Variants in PUF60 observed in about 807,000 individuals in gnomAD.
PUF60 encodes the protein poly(U)-binding-splicing factor PUF60.
PUF60 carries 10 observed loss-of-function variants against 61.8 expected under a neutral mutation model. The observed-to-expected ratio is 0.16, with a 90% CI of 0.10 to 0.27. The LOEUF is 0.27. Ranked by LOEUF, PUF60 falls within the 10% of genes least tolerant of loss-of-function variation. The pLI is 1.00. For missense variants in PUF60, 371 were observed against 754.0 expected (o/e 0.49, Z 5.95); for synonymous variants, 353 against 300.9 (o/e 1.17, Z -1.79).
At position 143,816,420 on chromosome 8, in the gene PUF60, G is replaced by A; in HGVS notation, c.*100C>T. The A allele has an allele frequency of 1.5e-6, 2 of 1,342,638 alleles. No individual in the cohort carries two copies. The highest frequency in any genetic ancestry group is 2.0e-6 in the Non-Finnish European group (2 of 993,862). The allele number at this position is 1,342,638 out of a possible 1,614,324, so 83.2% of individuals were successfully genotyped here. On this transcript the variant is annotated 3_prime_UTR_variant, in exon 12 of 12. Transcript: ENST00000526683. The stretch of plus-strand genomic sequence containing the variant: ...CGCACCTTTATCCGCACTGTAGGCT[G>A]GGCTGGGCAGAGCGCGCCTGGCCCC...
Position 143,817,968 on chromosome 8 carries a change from G to A in PUF60, c.711C>T (p.Leu237=), listed in dbSNP as rs756371392. 5.0e-6 allele frequency: 8 copies of A among 1,612,850 alleles called. No homozygotes were observed. The highest frequency in any genetic ancestry group is 1.1e-5 in the South Asian group (1 of 91,084). ...RIYVASVHQD[L]SDDDIKSVFE... is the part of the protein sequence containing the mutation. ...ACACGCTCTTGATGTCATCGTCTGA[G>A]AGGTCCTGGTGCACAGAGGCCACGT... The change falls in exon 8 of 12, where the codon CTC becomes CTT. Residue 237 remains leucine, a synonymous_variant. Coordinates refer to ENST00000526683, the MANE Select transcript of PUF60 (RefSeq NM_078480.3). This position sits in a 1 kb window ranked among gnomAD's most constrained non-coding sequence, Gnocchi z 7.4.
chr8:143,824,588 G>T (rs984935124), intron 1 of PUF60, 189 bp from the exon 2 acceptor site: 5 of 607,486 alleles, frequency 8.2e-6, no homozygotes, highest in Non-Finnish European at 8.8e-6. Context: ...CAGGGACCCA[G>T]TCAGAAGCAG....
chr8:143,824,361 C>A lies in PUF60; in HGVS notation c.63G>T (p.Ala21=), dbSNP rs751453680. The part of the protein sequence containing the change: ...NGQQGGGSEP[A]AAAAVVAAGD... The stretch of plus-strand genomic sequence containing the variant: ...CCGCTGCCACCACTGCCGCCGCCGC[C>A]GCCGGCTCGGACCCCCCTCCTTGCT... The change falls in exon 2 of 12, where the codon GCG becomes GCT. Residue 21 remains alanine, a synonymous_variant. Transcript: ENST00000526683. 3.2e-5 allele frequency: 51 copies of A among 1,612,534 alleles called. No individual in the cohort carries two copies. The highest frequency in any genetic ancestry group is 4.2e-5 in the Non-Finnish European group (50 of 1,179,770).
chr8:143,820,926 G>A (rs1197849374), intron 4 of PUF60, among the ~76,000 whole-genome samples: 1 of 152,192 alleles, frequency 6.6e-6, no homozygotes, highest in Non-Finnish European at 1.5e-5. Flanking sequence ...TGGGCCGGCT[G>A]GGGCAGAAAG....
In PUF60 at chr8:143,816,609, C is replaced by G. The variant is rs1178790203; in HGVS notation, c.1591G>C (p.Ala531Pro). The G allele has an allele frequency of 6.2e-7, 1 of 1,613,668 alleles. No homozygotes were observed. The highest frequency in any genetic ancestry group is 1.3e-5 in the African/African-American group (1 of 74,924). ...IASETHKAIQ[A>P]LNGRWFAGRK... Reference sequence around the variant, plus strand: ...CCAGCAAACCAGCGGCCATTGAGGGCCTGGATGGCCTTATGAGTCTCAGAG... The same window carrying G: ...CCAGCAAACCAGCGGCCATTGAGGGGCTGGATGGCCTTATGAGTCTCAGAG... The change falls in exon 12 of 12, where the codon GCC becomes CCC. Residue 531 changes from alanine to proline, a missense_variant. Around this residue, in one of 13 missense-constraint regions of PUF60, gnomAD observed 19 missense variants for 16.9 expected, o/e 1.12. Transcript: ENST00000526683.
Position 143,818,892 on chromosome 8 carries a change from C to A in PUF60, c.349-358G>T, listed in dbSNP as rs920643667. On this transcript the variant is annotated intron_variant, in intron 5 of 11. Coordinates refer to ENST00000526683, the MANE Select transcript of PUF60 (RefSeq NM_078480.3). The surrounding 1 kb of genome is among the most constrained non-coding windows in gnomAD (Gnocchi z 7.9). ...TCCCAGGCTGGGCTGGGAGATCCTCCCACTGTCCCAGCCAAGGACCACGAC... is the reference window on the plus strand; with the variant it reads ...TCCCAGGCTGGGCTGGGAGATCCTCACACTGTCCCAGCCAAGGACCACGAC... 6 of 314,936 alleles carry A rather than the reference C, an allele frequency of 1.9e-5. No homozygotes were observed. Among genetic ancestry groups the A allele is most frequent in the Middle Eastern group, 8.6e-4 (1 of 1,166 alleles). The allele number at this position is 314,936 out of a possible 1,614,324, so 19.5% of individuals were successfully genotyped here. A position where few individuals can be genotyped will look rare whatever the true frequency, so the allele number is the denominator to read the frequency against.
At position 143,816,480 on chromosome 8, in the gene PUF60, A is replaced by G; in HGVS notation, c.*40T>C. 6.4e-7 allele frequency: 1 copy of G among 1,572,530 alleles called. No individual in the cohort carries two copies. The highest frequency in any genetic ancestry group is 8.6e-7 in the Non-Finnish European group (1 of 1,160,392). ...ACTGTATCACTATAAAACCCAGAGG[A>G]AACAAGGAACAAGTGCAAGTCCGGG... On this transcript the variant is annotated 3_prime_UTR_variant, in exon 12 of 12. Coordinates refer to ENST00000526683, the MANE Select transcript of PUF60 (RefSeq NM_078480.3).
intron 1 of PUF60, among the ~76,000 whole-genome samples, chr8:143,827,762 G>A (rs1256393236): frequency 6.6e-6 from 1 of 152,182 alleles, no homozygotes; most frequent in Non-Finnish European, 1.5e-5. Flanking sequence ...CACCCCAACA[G>A]ACAACCCGTT....
At chr8:143,823,268 C>T (rs374158278) in intron 2 of PUF60, 1 of 152,166 alleles carries the variant, frequency 6.6e-6, no homozygotes, top group African/African-American at 2.5e-5. Flanking sequence ...TAGGCCTGTC[C>T]TCACCACCCT....
intron 2 of PUF60, chr8:143,822,613 C>A (rs1207795146): frequency 4.4e-6 from 2 of 456,144 alleles, no homozygotes; most frequent in Admixed American, 4.7e-5. Context: ...CCCACTGGCA[C>A]CCTAGCCAGG....
Position 143,821,859 on chromosome 8 carries a change from G to A in PUF60, c.166C>T (p.Leu56=). 6.2e-7 allele frequency: 1 copy of A among 1,610,714 alleles called. No homozygotes were observed. The highest frequency in any genetic ancestry group is 2.2e-5 in the East Asian group (1 of 44,832). Residue 56 remains leucine, a synonymous_variant, in exon 3 of 12, where the codon CTG becomes TTG. Coordinates refer to ENST00000526683, the MANE Select transcript of PUF60 (RefSeq NM_078480.3). ...NGQSTAAKLG[L]PPLTPEQQEA... ...TGCTGCTCGGGCGTCAGGGGAGGCA[G>A]CCCCAGCTTGGCGGCTGTGCTCTGC...
At chr8:143,824,534 C>T in intron 1 of PUF60, 135 bp from the exon 2 acceptor site, 3 of 837,866 alleles carry the variant, frequency 3.6e-6, no homozygotes, top group Admixed American at 4.7e-5. Flanking sequence ...CCCGACATGA[C>T]CCCCCAGCCC....
rs770569156 is a variant in PUF60, at chr8:143,818,849, C to T, written c.349-315G>A. ...CGCCCTCCCACCCAGACCACCCCTC[C>T]AGTCTGGGGGCTGGGTATCCCAGGC... On this transcript the variant is annotated intron_variant, in intron 5 of 11. Transcript: ENST00000526683. The surrounding 1 kb of genome is among the most constrained non-coding windows in gnomAD (Gnocchi z 7.9). 107 of 384,774 alleles carry T rather than the reference C, an allele frequency of 2.8e-4. No individual in the cohort carries two copies. Among genetic ancestry groups the T allele is most frequent in the Non-Finnish European group, 4.4e-4 (93 of 213,604 alleles). 23.8% of individuals were successfully genotyped at this position (384,774 alleles called of 1,614,324 possible). A position where few individuals can be genotyped will look rare whatever the true frequency, so the allele number is the denominator to read the frequency against.
intron 1 of PUF60, 137 bp downstream of exon 1, chr8:143,829,143 A>T: frequency 8.3e-7 from 1 of 1,201,888 alleles, no homozygotes; most frequent in Non-Finnish European, 1.0e-6. Context: ...GCCTCACGCG[A>T]CCCGGGGACA....
At chr8:143,816,863 C>T (rs1167493003) in intron 11 of PUF60, 44 bp from the exon 12 acceptor site, 1 of 1,593,820 alleles carries the variant, frequency 6.3e-7, no homozygotes, top group African/African-American at 1.3e-5. Flanking sequence ...CACTGCGGCC[C>T]CGCCCCCCTA....
chr8:143,822,189 C>T (rs1394270320), intron 2 of PUF60, among the ~76,000 whole-genome samples: 1 of 152,166 alleles, frequency 6.6e-6, no homozygotes, highest in Non-Finnish European at 1.5e-5. Flanking sequence ...CCAAGATAAA[C>T]AGCTGGAGGC....
At chr8:143,820,609 C>T in intron 5 of PUF60, 57 bp downstream of exon 5, 3 of 1,551,852 alleles carry the variant, frequency 1.9e-6, no homozygotes, top group South Asian at 1.1e-5. Flanking sequence ...CTGCACTGCC[C>T]CCCTCTAGCC....
intron 1 of PUF60, among the ~76,000 whole-genome samples, chr8:143,828,319 T>C (rs1346406685): frequency 6.6e-6 from 1 of 152,170 alleles, no homozygotes; most frequent in African/African-American, 2.4e-5. Flanking sequence ...ACAGACCTTA[T>C]CCCATCCCGC....
intron 1 of PUF60, among the ~76,000 whole-genome samples, chr8:143,828,195 C>T (rs28679770): frequency 0.018 from 2,789 of 152,344 alleles, 91 homozygotes; most frequent in African/African-American, 0.063. Flanking sequence ...TGGTTTCTGC[C>T]TCAGTGGGAC....
Sources: allele counts gnomAD v4.1 joint callset (sites outside exome capture counted in the v4.1 genomes callset), GRCh38; gene constraint gnomAD v4.1.1; regional missense constraint gnomAD v4.1.1; non-coding constraint Gnocchi (gnomAD v3.1); transcripts MANE v1.5; gene names NCBI Gene and HGNC (gene_info 2026-07-23, HGNC 2026-07-21).